Variants in CCBE1 observed in about 807,000 individuals in gnomAD.
The protein encoded by CCBE1 is collagen and calcium-binding EGF domain-containing protein 1.
CCBE1 carries 37 observed loss-of-function variants against 50.0 expected under a neutral mutation model. That is an observed-to-expected ratio of 0.74 (90% CI 0.57 to 0.97). The LOEUF (loss-of-function observed/expected upper bound fraction) is 0.97, where lower values mean the gene tolerates loss of function less well. CCBE1 is among the 50% of genes least tolerant of loss of function. The pLI is 0.00. For synonymous variants in CCBE1, 234 were observed against 203.7 expected, an observed-to-expected ratio of 1.15 and a Z score of -1.27; for missense variants, 538 against 523.8, an observed-to-expected ratio of 1.03 and a Z score of -0.26.
At chr18:59,498,629 A>G (rs1482078166) in intron 2 of CCBE1, among the ~76,000 whole-genome samples, 3 of 152,244 alleles carry the variant, frequency 2.0e-5, no homozygotes, top group Non-Finnish European at 2.9e-5. Flanking sequence ...AAAATGTTTC[A>G]TAAACATGAG....
At chr18:59,671,476 C>A (rs1306571872) in intron 2 of CCBE1, among the ~76,000 whole-genome samples, 11 of 144,260 alleles carry the variant, frequency 7.6e-5, no homozygotes, top group Middle Eastern at 7.1e-3. Context: ...CCAGCCTGGG[C>A]AACAGAGTGA....
rs1555690334 is a variant in CCBE1 at position 59,543,845 on chromosome 18, A to AAC, written c.213-63608_213-63607insGT. Among the ~76,000 whole-genome samples, 252 of 147,034 alleles carry AAC rather than the reference A, an allele frequency of 1.7e-3. 4 individuals are homozygous for AAC. The highest frequency in any genetic ancestry group is 7.0e-3 in the South Asian group (31 of 4,454). On this transcript the variant is annotated intron_variant, in intron 2 of 10. Coordinates refer to ENST00000439986, the MANE Select transcript of CCBE1 (RefSeq NM_133459.4). ...GCGAGACTCCGTCTCAAAAAAAAAA[A>AAC]AAAAAAAAAAAAACAGAAAACACTA...
At chr18:59,439,505 G>A (rs1910314801) in intron 9 of CCBE1, 38 bp downstream of exon 9, 1 of 1,613,288 alleles carries the variant, frequency 6.2e-7, no homozygotes, top group South Asian at 1.1e-5. Context: ...TCGAAAGTGA[G>A]AGACCTTTAG....
intron 6 of CCBE1, among the ~76,000 whole-genome samples, chr18:59,451,079 A>G (rs1598910638): frequency 6.6e-6 from 1 of 151,948 alleles, no homozygotes; most frequent in East Asian, 2.0e-4. Flanking sequence ...CACCGTTGGC[A>G]TGGTTTCCCC....
At chr18:59,469,817 G>C (rs1338151979) in intron 3 of CCBE1, among the ~76,000 whole-genome samples, 1 of 152,172 alleles carries the variant, frequency 6.6e-6, no homozygotes, top group Non-Finnish European at 1.5e-5. Flanking sequence ...CACATCACTC[G>C]TGATTTTTCC....
Position 59,439,567 on chromosome 18 carries a change from C to A in CCBE1, c.927G>T (p.Gly309=), listed in dbSNP as rs751100378. 16 of 1,614,224 alleles carry A rather than the reference C, an allele frequency of 9.9e-6. 2 individuals carry two copies. In the South Asian group the frequency reaches 1.8e-4, roughly 18 times the overall value. The change falls in exon 9 of 11, where the codon GGG becomes GGT. Residue 309 remains glycine (G), a synonymous_variant. Coordinates refer to ENST00000439986, the MANE Select transcript of CCBE1 (RefSeq NM_133459.4). ...QGRRGPVGPP[G]APGRDGSKGE... ...CCTTAGAACCATCTCTTCCTGGTGC[C>A]CCTGGTGGACCCTGTAATACAAAAG...
At chr18:59,564,703 A>G (rs571291417) in intron 2 of CCBE1, among the ~76,000 whole-genome samples, 1 of 152,338 alleles carries the variant, frequency 6.6e-6, no homozygotes, top group South Asian at 2.1e-4. Flanking sequence ...GGGTGTGTTC[A>G]AATACTGCAG....
At chr18:59,588,832 T>C (rs115433262) in intron 2 of CCBE1, among the ~76,000 whole-genome samples, 7,878 of 152,254 alleles carry the variant, frequency 0.052, 569 homozygotes, top group African/African-American at 0.16. Flanking sequence ...AGCTGCTCAG[T>C]GGAAGACCAC....
chr18:59,638,650 T>C (rs1198565938), intron 2 of CCBE1, among the ~76,000 whole-genome samples: 3 of 152,224 alleles, frequency 2.0e-5, no homozygotes, highest in East Asian at 3.8e-4. Context: ...CACCTGTTGA[T>C]ATACTTGCTC....
chr18:59,649,389 G>C (rs1278034550), intron 2 of CCBE1, among the ~76,000 whole-genome samples: 2 of 152,210 alleles, frequency 1.3e-5, no homozygotes, highest in Non-Finnish European at 2.9e-5. Context: ...TGACATGCAA[G>C]ACAAAAATTC....
chr18:59,639,435 A>C (rs2053955682), intron 2 of CCBE1, among the ~76,000 whole-genome samples: 1 of 152,242 alleles, frequency 6.6e-6, no homozygotes, highest in African/African-American at 2.4e-5. Flanking sequence ...ACTTTTCATA[A>C]AACTCAATGC....
At chr18:59,583,488 A>C (rs552570075) in intron 2 of CCBE1, among the ~76,000 whole-genome samples, 1 of 152,328 alleles carries the variant, frequency 6.6e-6, no homozygotes, top group African/African-American at 2.4e-5. Flanking sequence ...AAGCATAGCA[A>C]GATGAGAATG....
At chr18:59,651,903 T>C (rs748404137) in intron 2 of CCBE1, among the ~76,000 whole-genome samples, 52 of 152,348 alleles carry the variant, frequency 3.4e-4, no homozygotes, top group Non-Finnish European at 4.7e-4. Flanking sequence ...AGGGTGTCCA[T>C]TATCAAGATA....
Position 59,432,801 on chromosome 18 carries a change from A to T in CCBE1, c.*3107T>A, listed in dbSNP as rs1027303198. ...ATATTATTCTAGCCTATGGCCAAAC[A>T]TGCAGTTTGGTTGCATTTTATGAGC... On this transcript the variant is annotated 3_prime_UTR_variant, in exon 11 of 11. Transcript: ENST00000439986. 6.6e-6 allele frequency: 1 copy of T among 152,202 alleles called. No individual in the cohort carries two copies. Among genetic ancestry groups the T allele is most frequent in the Non-Finnish European group, 1.5e-5 (1 of 68,036 alleles). 9.4% of individuals were successfully genotyped at this position (152,202 alleles called of 1,614,324 possible).
chr18:59,434,722 T>C lies in CCBE1; in HGVS notation c.*1186A>G, dbSNP rs1160079856. ...AGAAAAAATGAGAATAGGAAGGAAG[T>C]TTTTGCAAACAAGGAAAACCACTAT... On this transcript the variant is annotated 3_prime_UTR_variant, in exon 11 of 11. Transcript: ENST00000439986. The C allele has an allele frequency of 6.6e-6, 1 of 151,898 alleles. No homozygotes were observed. The highest frequency in any genetic ancestry group is 2.4e-5 in the African/African-American group (1 of 41,350). The allele number at this position is 151,898 out of a possible 1,614,324, so 9.4% of individuals were successfully genotyped here.
intron 2 of CCBE1, among the ~76,000 whole-genome samples, chr18:59,511,259 G>A (rs1471628989): frequency 1.3e-5 from 2 of 152,256 alleles, no homozygotes; most frequent in African/African-American, 4.8e-5. Context: ...ACAGAAGACA[G>A]AGAAGTTCAA....
At position 59,672,470 on chromosome 18, in the gene CCBE1, C is replaced by A. The variant is rs1405586444; in HGVS notation, c.212+24159G>T. On this transcript the variant is annotated intron_variant, in intron 2 of 10. Coordinates refer to ENST00000439986, the MANE Select transcript of CCBE1 (RefSeq NM_133459.4). ...TGTCTCTGCACTTGGAATGCTTATA[C>A]ACCATAAACAGATGCCCTGCCTAGA... Among the ~76,000 whole-genome samples the A allele has an allele frequency of 2.6e-5, 4 of 152,328 alleles. No homozygotes were observed. In the East Asian group the frequency reaches 7.7e-4, roughly 29 times the overall value.
chr18:59,592,646 C>T (rs7235430), intron 2 of CCBE1, among the ~76,000 whole-genome samples: 6,558 of 152,194 alleles, frequency 0.043, 381 homozygotes, highest in African/African-American at 0.13. Flanking sequence ...TAGATAGATA[C>T]GTCTACTTAT....
At chr18:59,671,971 A>G (rs1310820097) in intron 2 of CCBE1, among the ~76,000 whole-genome samples, 5 of 152,120 alleles carry the variant, frequency 3.3e-5, no homozygotes, top group Admixed American at 6.6e-5. Context: ...AGCCTGCAAA[A>G]CCCTCAACAG....
Sources: gnomAD v4.1 joint callset for allele counts (sites outside exome capture counted in the v4.1 genomes callset) on GRCh38, gnomAD v4.1.1 for gene constraint, MANE v1.5 for transcripts, NCBI Gene and HGNC (gene_info 2026-07-23, HGNC 2026-07-21) for gene names.